The following PTPRD variants were observed in gnomAD, a reference collection of about 807,000 sequenced individuals.
PTPRD encodes protein tyrosine phosphatase receptor type D, also known as receptor-type tyrosine-protein phosphatase delta.
Under a neutral mutation model 214.5 loss-of-function variants are expected in PTPRD, and 34 were observed. The observed-to-expected ratio is 0.16, with a 90% CI of 0.12 to 0.21. The LOEUF (loss-of-function observed/expected upper bound fraction) is 0.21, where lower values mean the gene tolerates loss of function less well. Among genes scored for constraint, PTPRD ranks in the 10% least tolerant of loss-of-function variants. The pLI, the probability that PTPRD is intolerant of heterozygous loss-of-function variation, is 1.00. For missense variants in PTPRD, 2,545 were observed against 2,398.7 expected (o/e 1.06, Z -1.27); for synonymous variants, 1,128 against 845.7 (o/e 1.33, Z -5.79).
intron 38 of PTPRD, 124 bp downstream of exon 38, chr9:8,376,483 C>T: frequency 2.2e-6 from 3 of 1,372,706 alleles, no homozygotes; most frequent in Non-Finnish European, 3.0e-6. Context: ...AGATCTATTT[C>T]ATTCTTCACT....
chr9:9,671,229 T>C (rs1017323544), intron 7 of PTPRD, among the ~76,000 whole-genome samples: 1 of 152,146 alleles, frequency 6.6e-6, no homozygotes, highest in African/African-American at 2.4e-5. Context: ...ATTTGACTGC[T>C]CTGCTGGATT....
chr9:10,560,229 T>TA (rs1330770623), intron 2 of PTPRD, among the ~76,000 whole-genome samples: 25 of 152,210 alleles, frequency 1.6e-4, no homozygotes, highest in African/African-American at 6.0e-4. Flanking sequence ...TATGCAGCCA[T>TA]AAAAAATGAT....
At chr9:10,361,956 T>A (rs957395820) in intron 2 of PTPRD, among the ~76,000 whole-genome samples, 1 of 152,170 alleles carries the variant, frequency 6.6e-6, no homozygotes, top group Non-Finnish European at 1.5e-5. Flanking sequence ...TATCTCTGAT[T>A]ATGCAAAAAT....
At chr9:10,107,399 A>G (rs12554847) in intron 3 of PTPRD, among the ~76,000 whole-genome samples, 7,999 of 151,904 alleles carry the variant, frequency 0.053, 277 homozygotes, top group Admixed American at 0.1. Context: ...CATAAACATG[A>G]CTCATTTTTT....
chr9:10,507,388 G>A (rs1158162962), intron 2 of PTPRD, among the ~76,000 whole-genome samples: 2 of 152,088 alleles, frequency 1.3e-5, no homozygotes, highest in Non-Finnish European at 2.9e-5. Context: ...GTAATTTATA[G>A]ATTCAATGCC....
chr9:9,054,885 G>A (rs561660060), intron 10 of PTPRD, among the ~76,000 whole-genome samples: 2 of 152,278 alleles, frequency 1.3e-5, no homozygotes, highest in South Asian at 2.1e-4. Flanking sequence ...ACACAAAGAA[G>A]AAGACTGGCA....
rs1822432611 is a variant in PTPRD, at chr9:8,317,109, A to AGTG, written c.*764_*765insCAC. On this transcript the variant is annotated 3_prime_UTR_variant, in exon 46 of 46. Coordinates refer to ENST00000381196, the MANE Select transcript of PTPRD (RefSeq NM_002839.4). ...TCACCAATCAAAACTGAAGTGTAAA[A>AGTG]TTAATATATCTGACGAGACTGATAC... is the stretch of plus-strand genomic sequence containing the variant. The AGTG allele has an allele frequency of 4.4e-6, 1 of 228,558 alleles. No homozygotes were observed. The highest frequency in any genetic ancestry group is 8.6e-6 in the Non-Finnish European group (1 of 116,300). The allele number at this position is 228,558 out of a possible 1,614,324, so 14.2% of individuals were successfully genotyped here.
At chr9:8,790,406 T>G (rs1189356681) in intron 11 of PTPRD, among the ~76,000 whole-genome samples, 2 of 127,490 alleles carry the variant, frequency 1.6e-5, no homozygotes, top group African/African-American at 4.9e-5. Context: ...TAGGGAATCT[T>G]GTCTGTTTTT....
intron 8 of PTPRD, among the ~76,000 whole-genome samples, chr9:9,490,680 G>A (rs951682521): frequency 6.6e-6 from 1 of 151,858 alleles, no homozygotes; most frequent in East Asian, 1.9e-4. Flanking sequence ...ATAAATTCAG[G>A]ATATAATTAC....
At chr9:9,474,214 C>T (rs1032379723) in intron 8 of PTPRD, among the ~76,000 whole-genome samples, 3 of 152,056 alleles carry the variant, frequency 2.0e-5, no homozygotes, top group Admixed American at 6.6e-5. Flanking sequence ...TGAAGATTGT[C>T]CTTTCCCTAA....
intron 2 of PTPRD, among the ~76,000 whole-genome samples, chr9:10,353,425 A>T (rs1403335334): frequency 3.9e-5 from 6 of 152,000 alleles, no homozygotes; most frequent in Non-Finnish European, 8.8e-5. Context: ...ATCAATATTA[A>T]TTGAATACTT....
At chr9:9,135,539 G>T (rs948668361) in intron 10 of PTPRD, among the ~76,000 whole-genome samples, 1 of 150,780 alleles carries the variant, frequency 6.6e-6, no homozygotes, top group African/African-American at 2.5e-5. Context: ...AAAGAAAATG[G>T]CTTTCAATGC....
intron 11 of PTPRD, among the ~76,000 whole-genome samples, chr9:8,801,694 C>G (rs1029875449): frequency 6.6e-6 from 1 of 151,962 alleles, no homozygotes; most frequent in Non-Finnish European, 1.5e-5. Context: ...CCAGCCTGGG[C>G]GACAGAGCAA....
intron 5 of PTPRD, among the ~76,000 whole-genome samples, chr9:9,768,874 T>A (rs920385763): frequency 1.1e-4 from 17 of 152,056 alleles, no homozygotes; most frequent in Admixed American, 1.1e-3. Context: ...GCTTAAAGAG[T>A]AAACAGACAA....
intron 6 of PTPRD, among the ~76,000 whole-genome samples, chr9:9,748,937 G>A (rs953185552): frequency 5.3e-5 from 8 of 152,142 alleles, no homozygotes; most frequent in Non-Finnish European, 7.3e-5. Flanking sequence ...TTGACAACAT[G>A]GCTGGTGATA....
rs187169890 is a variant in PTPRD, at chr9:9,514,543, T to G, written c.-237+60189A>C. ...GAAATTCCTGCCTTCCGAGGAGTTCTTGGGTGATTAATGTCCAAGTTAAAA... is the reference window on the plus strand; with the variant it reads ...GAAATTCCTGCCTTCCGAGGAGTTCGTGGGTGATTAATGTCCAAGTTAAAA... On this transcript the variant is annotated intron_variant, in intron 8 of 45. Transcript: ENST00000381196. Among the ~76,000 whole-genome samples, 404 of 152,234 alleles carry G rather than the reference T, an allele frequency of 2.7e-3. 1 individual carries two copies. Among genetic ancestry groups the G allele is most frequent in the African/African-American group, 9.0e-3 (376 of 41,560 alleles).
At chr9:9,456,008 A>T (rs1588926463) in intron 8 of PTPRD, among the ~76,000 whole-genome samples, 1 of 152,006 alleles carries the variant, frequency 6.6e-6, no homozygotes, top group East Asian at 1.9e-4. Flanking sequence ...ATATTTATTG[A>T]TAAATGTTGC....
intron 2 of PTPRD, among the ~76,000 whole-genome samples, chr9:10,520,667 T>C (rs1014069001): frequency 1.3e-5 from 2 of 152,148 alleles, no homozygotes; most frequent in Non-Finnish European, 2.9e-5. Context: ...CAAGGACAGG[T>C]TGACTCTCTT....
At chr9:9,419,958 C>G (rs7029931) in intron 8 of PTPRD, among the ~76,000 whole-genome samples, 1 of 151,220 alleles carries the variant, frequency 6.6e-6, no homozygotes, top group Admixed American at 6.6e-5. Context: ...CCAGCACCGA[C>G]GTAAGACTTT....
Sources: allele counts gnomAD v4.1 joint callset (sites outside exome capture counted in the v4.1 genomes callset), GRCh38; gene constraint gnomAD v4.1.1; transcripts MANE v1.5; gene names NCBI Gene and HGNC (gene_info 2026-07-23, HGNC 2026-07-21).